PTPRB: variants seen among roughly 807,000 people sequenced by gnomAD.
The protein encoded by PTPRB is receptor-type tyrosine-protein phosphatase beta.
PTPRB carries 97 observed loss-of-function variants against 238.1 expected under a neutral mutation model. The ratio of observed to expected loss-of-function variants is 0.41; its 90% CI spans 0.35 to 0.48. PTPRB has a LOEUF of 0.48. Ranked by LOEUF, PTPRB falls within the 20% of genes least tolerant of loss-of-function variation. The pLI is 0.30. For synonymous variants in PTPRB, 970 were observed against 995.4 expected, an observed-to-expected ratio of 0.97 and a Z score of 0.48; for missense variants, 2,292 against 2,681.9, an observed-to-expected ratio of 0.85 and a Z score of 3.21.
rs1229648762 is a variant in PTPRB at position 70,534,971 on chromosome 12, C to A, written c.6082-16G>T. ...CACACTTTACCTAGAACAGGACAGA[C>A]AGAAAAAACATGAGTCCGGAAAAGT... On this transcript the variant is annotated splice_polypyrimidine_tract_variant and intron_variant, in intron 29 of 33. Coordinates refer to ENST00000334414, the MANE Select transcript of PTPRB (RefSeq NM_001109754.4). The A allele has an allele frequency of 6.3e-7, 1 of 1,599,516 alleles. No individual in the cohort carries two copies. Among genetic ancestry groups the A allele is most frequent in the Non-Finnish European group, 8.5e-7 (1 of 1,172,036 alleles).
intron 14 of PTPRB, among the ~76,000 whole-genome samples, chr12:70,568,285 C>T (rs1879565802): frequency 6.6e-6 from 1 of 152,068 alleles, no homozygotes; most frequent in Non-Finnish European, 1.5e-5. Flanking sequence ...AGGGGCTTTG[C>T]CTTGCTACTG....
At position 70,553,016 on chromosome 12, in the gene PTPRB, A is replaced by T. The variant is rs1378681541; in HGVS notation, c.5148T>A (p.Ser1716Arg). The change falls in exon 21 of 34, where the codon AGT becomes AGA. Residue 1716 changes from serine (S) to arginine (R), a missense_variant. Coordinates refer to ENST00000334414, the MANE Select transcript of PTPRB (RefSeq NM_001109754.4). ...FTVVVREADG[S>R]DELKPEQQHP... is the part of the protein sequence containing the mutation. Reference sequence around the variant, plus strand: ...GCTGCTGTTCTGGCTTCAGCTCATCACTGCCTGGAGGAGAAAACCCACAGT... The same window carrying T: ...GCTGCTGTTCTGGCTTCAGCTCATCTCTGCCTGGAGGAGAAAACCCACAGT... 21 of 1,613,304 alleles carry T rather than the reference A, an allele frequency of 1.3e-5. 1 individual carries two copies. The highest frequency in any genetic ancestry group is 1.4e-5 in the Non-Finnish European group (16 of 1,179,532).
chr12:70,579,008 G>C (rs948487015), intron 10 of PTPRB, among the ~76,000 whole-genome samples: 3 of 152,174 alleles, frequency 2.0e-5, no homozygotes, highest in African/African-American at 7.2e-5. Flanking sequence ...CTACAGCAAA[G>C]AAGAGCCACT....
intron 2 of PTPRB, among the ~76,000 whole-genome samples, chr12:70,632,865 T>C (rs1209598618): frequency 1.3e-5 from 2 of 152,208 alleles, no homozygotes; most frequent in African/African-American, 4.8e-5. Flanking sequence ...CATGTGAGTC[T>C]AATATGCAGC....
At chr12:70,586,741 T>C (rs945612958) in intron 9 of PTPRB, among the ~76,000 whole-genome samples, 2 of 152,220 alleles carry the variant, frequency 1.3e-5, no homozygotes, top group African/African-American at 4.8e-5. Context: ...CCTATTTCTC[T>C]GCTCTCCTTT....
At chr12:70,550,826 A>C (rs1240964447) in intron 21 of PTPRB, among the ~76,000 whole-genome samples, 1 of 152,176 alleles carries the variant, frequency 6.6e-6, no homozygotes, top group Non-Finnish European at 1.5e-5. Flanking sequence ...AATAGCCCTT[A>C]GGTGACTTTT....
chr12:70,622,264 G>A, intron 3 of PTPRB, 126 bp downstream of exon 3: 1 of 1,354,896 alleles, frequency 7.4e-7, no homozygotes, highest in African/African-American at 1.5e-5. Flanking sequence ...TTAGCAGCCA[G>A]GACACAGGGT....
chr12:70,555,174 A>G lies in PTPRB; in HGVS notation c.5129T>C (p.Val1710Ala), dbSNP rs369877500. Residue 1710 changes from valine (V) to alanine (A), a missense_variant, in exon 20 of 34, where the codon GTG becomes GCG. By Grantham distance (64) the Val-to-Ala change is moderately conservative. This residue lies in a region of PTPRB where 683 missense variants were observed against 862.0 expected (regional missense o/e 0.79). Coordinates refer to ENST00000334414, the MANE Select transcript of PTPRB (RefSeq NM_001109754.4). ...TGATAACTTACCATCAGCCTCTCTC[A>G]CCACCACTGTGAAGTATTTCACAGC... The part of the protein sequence containing the change: ...NGAVKYFTVV[V>A]READGSDELK... 139 of 1,613,662 alleles carry G rather than the reference A, an allele frequency of 8.6e-5. No homozygotes were observed. Among genetic ancestry groups the G allele is most frequent in the Non-Finnish European group, 1.1e-4 (127 of 1,179,788 alleles).
rs1871636256 is a variant in PTPRB, at chr12:70,521,423, A to G, written c.*66T>C. 2.9e-6 allele frequency: 4 copies of G among 1,379,560 alleles called. No individual in the cohort carries two copies. Among genetic ancestry groups the G allele is most frequent in the South Asian group, 2.9e-5 (2 of 69,970 alleles). The allele number at this position is 1,379,560 out of a possible 1,614,324, so 85.5% of individuals were successfully genotyped here. Reference sequence around the variant, plus strand: ...ATAGCTGGCACCTCTGTAGGGCATGAAGCAAGTTTTTAAAAACAAATCACA... The same window carrying G: ...ATAGCTGGCACCTCTGTAGGGCATGGAGCAAGTTTTTAAAAACAAATCACA... On this transcript the variant is annotated 3_prime_UTR_variant, in exon 34 of 34. Coordinates refer to ENST00000334414, the MANE Select transcript of PTPRB (RefSeq NM_001109754.4).
intron 22 of PTPRB, 24 bp downstream of exon 22, chr12:70,544,533 A>G (rs1378099543): frequency 6.6e-7 from 1 of 1,505,400 alleles, no homozygotes; most frequent in East Asian, 2.3e-5. Context: ...AGTTGGTAGA[A>G]CATGATGTAA....
chr12:70,545,576 G>C (rs1403245345), intron 21 of PTPRB, among the ~76,000 whole-genome samples: 1 of 152,162 alleles, frequency 6.6e-6, no homozygotes, highest in Non-Finnish European at 1.5e-5. Context: ...AATGAGGAAT[G>C]GTAGAATATG....
Position 70,556,048 on chromosome 12 carries a change from A to C in PTPRB, c.4815T>G (p.Ile1605Met), listed in dbSNP as rs772847942. The change falls in exon 19 of 34, where the codon ATT becomes ATG. Residue 1605 changes from isoleucine (I) to methionine (M), a missense_variant. Ile to Met is a conservative substitution (Grantham distance 10). This residue lies in a region of PTPRB where 683 missense variants were observed against 862.0 expected (regional missense o/e 0.79). Transcript: ENST00000334414. Reference sequence around the variant, plus strand: ...CTTGGGTGTCCATTTTCCGGCATTCAATACTATAACCATCAAAGTCAGAAT... The same window carrying C: ...CTTGGGTGTCCATTTTCCGGCATTCCATACTATAACCATCAAAGTCAGAAT... Reference protein sequence around the residue: ...PPDSDFDGYSIECRKMDTQEV... With the variant: ...PPDSDFDGYSMECRKMDTQEV... The C allele has an allele frequency of 5.0e-6, 8 of 1,613,830 alleles. No individual in the cohort carries two copies. Among genetic ancestry groups the C allele is most frequent in the Non-Finnish European group, 6.8e-6 (8 of 1,179,866 alleles).
intron 31 of PTPRB, among the ~76,000 whole-genome samples, chr12:70,532,724 C>T (rs1332951339): frequency 2.6e-5 from 4 of 152,000 alleles, no homozygotes; most frequent in Non-Finnish European, 1.5e-5. Flanking sequence ...TCACTGCAGC[C>T]TCGACCTCCC....
At chr12:70,630,109 C>A (rs1311306715) in intron 2 of PTPRB, among the ~76,000 whole-genome samples, 4 of 151,968 alleles carry the variant, frequency 2.6e-5, no homozygotes, top group African/African-American at 4.8e-5. Context: ...GGCAGAGACA[C>A]AACAAAAAAA....
intron 33 of PTPRB, among the ~76,000 whole-genome samples, chr12:70,523,396 G>A (rs1871897228): frequency 6.6e-6 from 1 of 151,284 alleles, no homozygotes; most frequent in Admixed American, 6.6e-5. Context: ...AAAGCTTCAT[G>A]CATAATTTTT....
intron 9 of PTPRB, among the ~76,000 whole-genome samples, chr12:70,585,583 C>T (rs930114758): frequency 3.9e-5 from 6 of 152,102 alleles, no homozygotes; most frequent in African/African-American, 1.4e-4. Flanking sequence ...TCCCCTCCTG[C>T]CACCTTGTGA....
rs1231509611 is a variant in PTPRB at position 70,569,857 on chromosome 12, C to T, written c.3452G>A (p.Gly1151Glu). 6.2e-7 allele frequency: 1 copy of T among 1,613,956 alleles called. No individual in the cohort carries two copies. Among genetic ancestry groups the T allele is most frequent in the Non-Finnish European group, 8.5e-7 (1 of 1,179,844 alleles). ...SLTVNWTPGGGDVDSYTVSAF... is the reference protein window; with the variant it reads ...SLTVNWTPGGEDVDSYTVSAF... ...CGACACCGTGTAGGAATCAACGTCT[C>T]CCCCACCAGGAGTCCAGTTCACCGT... Residue 1151 changes from glycine to glutamate, a missense_variant, in exon 14 of 34, where the codon GGA (glycine) becomes GAA (glutamate). Transcript: ENST00000334414.
chr12:70,593,406 G>A lies in PTPRB; in HGVS notation c.1517-861C>T, dbSNP rs575899693. On this transcript the variant is annotated intron_variant, in intron 6 of 33. Coordinates refer to ENST00000334414, the MANE Select transcript of PTPRB (RefSeq NM_001109754.4). ...CAGGTGCCTGCAATCTTAGCTACTC[G>A]GGAGGCTGAAGCAAGAGAATCACTT... Among the ~76,000 whole-genome samples the A allele has an allele frequency of 6.3e-3, 957 of 151,578 alleles. 9 individuals carry two copies. Among genetic ancestry groups the A allele is most frequent in the Non-Finnish European group, 0.01 (697 of 67,904 alleles).
chr12:70,541,941 C>A (rs543993153), intron 22 of PTPRB: 1 of 152,234 alleles, frequency 6.6e-6, no homozygotes, highest in South Asian at 2.1e-4. Context: ...TCTATGTGGA[C>A]ATATGTTTTC....
Sources: gnomAD v4.1 joint callset for allele counts (sites outside exome capture counted in the v4.1 genomes callset) on GRCh38, gnomAD v4.1.1 for gene constraint, gnomAD v4.1.1 regional missense constraint, MANE v1.5 for transcripts, NCBI Gene and HGNC (gene_info 2026-07-23, HGNC 2026-07-21) for gene names.